The following TBC1D1 variants were observed in gnomAD, a reference collection of about 807,000 sequenced individuals.
TBC1D1 encodes the protein TBC1 domain family member 1.
TBC1D1 carries 89 observed loss-of-function variants against 125.6 expected under a neutral mutation model. That is an observed-to-expected ratio of 0.71 (90% CI 0.60 to 0.85). The LOEUF (loss-of-function observed/expected upper bound fraction) is 0.85, where lower values mean the gene tolerates loss of function less well. TBC1D1 is among the 40% of genes least tolerant of loss of function. The pLI, the probability that TBC1D1 is intolerant of heterozygous loss-of-function variation, is 0.00. For missense variants in TBC1D1, 1,377 were observed against 1,469.2 expected, an observed-to-expected ratio of 0.94 and a Z score of 1.03; for synonymous variants, 565 against 564.1, an observed-to-expected ratio of 1.00 and a Z score of -0.02.
chr4:37,944,800 C>T (rs550141992), intron 2 of TBC1D1, among the ~76,000 whole-genome samples: 5 of 152,344 alleles, frequency 3.3e-5, no homozygotes, highest in Non-Finnish European at 4.4e-5. Context: ...GGCGATGCCT[C>T]GCCCTGCTTC....
chr4:37,926,140 A>ACCACATG lies in TBC1D1; in HGVS notation c.417+23629_417+23635dup, dbSNP rs573592307. On this transcript the variant is annotated intron_variant, in intron 2 of 19. Transcript: ENST00000261439. ...AACATGTGTACTTTGGAAGAAAGCT[A>ACCACATG]CCACATGGAGAAAGTATACAGGAAG... 3.9e-4 allele frequency among the ~76,000 whole-genome samples: 60 copies of ACCACATG among 152,374 alleles called. 1 individual carries two copies. The highest frequency in any genetic ancestry group is 1.4e-3 in the African/African-American group (59 of 41,594).
chr4:37,974,070 G>C (rs1421485983), intron 2 of TBC1D1, among the ~76,000 whole-genome samples: 1 of 152,162 alleles, frequency 6.6e-6, no homozygotes, highest in Non-Finnish European at 1.5e-5. Context: ...CTAAGTGTTT[G>C]GGAAAGTGAT....
At chr4:37,925,469 G>A (rs1721879281) in intron 2 of TBC1D1, among the ~76,000 whole-genome samples, 1 of 152,142 alleles carries the variant, frequency 6.6e-6, no homozygotes, top group South Asian at 2.1e-4. Flanking sequence ...TGTAATCCCA[G>A]CACTTCGGGA....
At chr4:38,013,593 T>C (rs1056352882) in intron 2 of TBC1D1, among the ~76,000 whole-genome samples, 2 of 152,238 alleles carry the variant, frequency 1.3e-5, no homozygotes, top group African/African-American at 2.4e-5. Context: ...ATTAGTGTTG[T>C]GGCTGTCCAT....
At chr4:38,124,077 C>T (rs979422319) in intron 17 of TBC1D1, among the ~76,000 whole-genome samples, 11 of 152,226 alleles carry the variant, frequency 7.2e-5, no homozygotes, top group African/African-American at 2.7e-4. Flanking sequence ...AATACTGACA[C>T]TTGCCTCCAA....
intron 12 of TBC1D1, among the ~76,000 whole-genome samples, chr4:38,080,089 C>T (rs1018925495): frequency 6.6e-6 from 1 of 152,188 alleles, no homozygotes; most frequent in Non-Finnish European, 1.5e-5. Context: ...GGCTGAAGCT[C>T]GTGTGGGGAC....
chr4:38,095,257 G>GGTT (rs1226384145), intron 13 of TBC1D1, among the ~76,000 whole-genome samples: 1 of 152,138 alleles, frequency 6.6e-6, no homozygotes, highest in Non-Finnish European at 1.5e-5. Context: ...TGAAATAAGA[G>GGTT]GTTGGGTCCA....
chr4:38,046,566 T>C (rs183247812), intron 10 of TBC1D1, among the ~76,000 whole-genome samples: 6 of 152,256 alleles, frequency 3.9e-5, no homozygotes, highest in African/African-American at 1.2e-4. Context: ...ATTGGGCTTC[T>C]AGTGTACCCA....
intron 12 of TBC1D1, among the ~76,000 whole-genome samples, chr4:38,074,799 T>C (rs1755294411): frequency 6.6e-6 from 1 of 151,596 alleles, no homozygotes. Flanking sequence ...TCTTGCTCTG[T>C]CACCCAGGCT....
At chr4:37,985,057 A>G (rs951345291) in intron 2 of TBC1D1, among the ~76,000 whole-genome samples, 4 of 151,628 alleles carry the variant, frequency 2.6e-5, no homozygotes, top group African/African-American at 4.8e-5. Context: ...GGTTCAAGCA[A>G]TTCTCTTGCC....
intron 4 of TBC1D1, among the ~76,000 whole-genome samples, chr4:38,019,526 T>C (rs914911139): frequency 7.2e-5 from 11 of 152,190 alleles, no homozygotes; most frequent in African/African-American, 2.7e-4. Context: ...AATATGAATG[T>C]TAAATGTTTA....
At chr4:38,008,412 AC>A (rs961619916) in intron 2 of TBC1D1, among the ~76,000 whole-genome samples, 9 of 152,210 alleles carry the variant, frequency 5.9e-5, no homozygotes, top group African/African-American at 1.7e-4. Flanking sequence ...ATTTTGGAGT[AC>A]AAACTATGTT....
At chr4:37,958,123 A>G (rs1365503565) in intron 2 of TBC1D1, among the ~76,000 whole-genome samples, 1 of 152,228 alleles carries the variant, frequency 6.6e-6, no homozygotes, top group Non-Finnish European at 1.5e-5. Flanking sequence ...GTTTATGGCG[A>G]CCAAGTTTAC....
intron 17 of TBC1D1, among the ~76,000 whole-genome samples, chr4:38,119,219 C>CT (rs1227483100): frequency 1.3e-5 from 2 of 152,118 alleles, no homozygotes; most frequent in African/African-American, 4.8e-5. Context: ...TTCAGACATG[C>CT]TTTGGGTAAA....
At chr4:38,006,752 T>C in intron 2 of TBC1D1, 2 of 438,978 alleles carry the variant, frequency 4.6e-6, no homozygotes, top group Admixed American at 4.8e-5. Flanking sequence ...GTGCTGGGAT[T>C]ACAGGCGTGA....
intron 18 of TBC1D1, 126 bp downstream of exon 20, chr4:38,125,257 G>A: frequency 2.4e-6 from 2 of 837,206 alleles, no homozygotes; most frequent in Non-Finnish European, 3.7e-6. Context: ...ATGATGCCTG[G>A]CATGGAGGAG....
At chr4:37,989,672 C>T (rs777429834) in intron 2 of TBC1D1, among the ~76,000 whole-genome samples, 2 of 152,218 alleles carry the variant, frequency 1.3e-5, no homozygotes, top group Non-Finnish European at 2.9e-5. Flanking sequence ...AGAACAAGAG[C>T]AAACTGCTTT....
intron 12 of TBC1D1, among the ~76,000 whole-genome samples, chr4:38,070,490 A>G (rs566094518): frequency 2.0e-5 from 3 of 152,326 alleles, no homozygotes; most frequent in African/African-American, 7.2e-5. Flanking sequence ...CAAGCCATGG[A>G]AAACACTTGG....
At chr4:38,059,786 C>T (rs1190941716) in intron 12 of TBC1D1, among the ~76,000 whole-genome samples, 1 of 152,126 alleles carries the variant, frequency 6.6e-6, no homozygotes, top group Non-Finnish European at 1.5e-5. Context: ...CATGGTTAAA[C>T]GTGTGCCATG....
Sources: gnomAD v4.1 joint callset for allele counts (sites outside exome capture counted in the v4.1 genomes callset) on GRCh38, gnomAD v4.1.1 for gene constraint, MANE v1.5 for transcripts, NCBI Gene and HGNC (gene_info 2026-07-23, HGNC 2026-07-21) for gene names.